Variants in DPH5 observed in about 807,000 individuals in gnomAD.
DPH5 encodes diphthamide biosynthesis 5, also known as diphthine methyl ester synthase.
In DPH5, 31 loss-of-function variants were observed where a neutral mutation model predicts 31.6. The ratio of observed to expected loss-of-function variants is 0.98; its 90% CI spans 0.74 to 1.32. DPH5 has a LOEUF of 1.32. Ranked by LOEUF, DPH5 falls within the 40% of genes most tolerant of loss-of-function variation. The pLI, the probability that DPH5 is intolerant of heterozygous loss-of-function variation, is 0.00. For synonymous variants in DPH5, 120 were observed against 115.0 expected (o/e 1.04, Z -0.28); for missense variants, 309 against 335.7 (o/e 0.92, Z 0.62).
At chr1:101,007,175 G>A (rs961029577) in intron 4 of DPH5, among the ~76,000 whole-genome samples, 1 of 152,058 alleles carries the variant, frequency 6.6e-6, no homozygotes, top group Non-Finnish European at 1.5e-5. Flanking sequence ...ACTAAGTGTT[G>A]AATAAAAAGA....
At chr1:101,017,453 C>A (rs189202965) in intron 3 of DPH5, among the ~76,000 whole-genome samples, 11 of 152,208 alleles carry the variant, frequency 7.2e-5, no homozygotes, top group African/African-American at 2.2e-4. Flanking sequence ...GATAAAATCT[C>A]AAGATTGTAA....
intron 7 of DPH5, 25 bp downstream of exon 7, chr1:100,992,612 A>C: frequency 2.0e-6 from 3 of 1,534,166 alleles, no homozygotes; most frequent in Non-Finnish European, 2.7e-6. Flanking sequence ...GAATAATATG[A>C]GAGCCCTTCT....
intron 5 of DPH5, among the ~76,000 whole-genome samples, chr1:100,997,900 G>A (rs1192284435): frequency 6.6e-6 from 1 of 152,078 alleles, no homozygotes; most frequent in Non-Finnish European, 1.5e-5. Context: ...ACCCACAGCT[G>A]GCCTTAACTG....
At chr1:101,024,491 A>G (rs1660686293) in intron 2 of DPH5, among the ~76,000 whole-genome samples, 1 of 152,228 alleles carries the variant, frequency 6.6e-6, no homozygotes, top group Non-Finnish European at 1.5e-5. Flanking sequence ...TTCAAGTAGC[A>G]GTTCTTAATT....
At position 101,021,712 on chromosome 1, in the gene DPH5, TTG is replaced by T; in HGVS notation, c.187_188del (p.Gln63ArgfsTer4). On this transcript the variant is annotated frameshift_variant, in exon 3 of 8. Coordinates refer to ENST00000370109, the MANE Select transcript of DPH5 (RefSeq NM_015958.3). LOFTEE classifies it high-confidence loss of function. ...CATCCTTTAAAATATTATCTGCTTC[TTG>T]TTCCACTTCTTCTCTATCAGCAACA... The part of the protein sequence containing the change: ...LVVADREEVE[Q>X]EADNILKDAD... 6.2e-7 allele frequency: 1 copy of T among 1,614,014 alleles called. No individual in the cohort carries two copies. The highest frequency in any genetic ancestry group is 8.5e-7 in the Non-Finnish European group (1 of 1,179,928).
At chr1:100,992,207 T>C (rs964489245) in intron 7 of DPH5, among the ~76,000 whole-genome samples, 1 of 152,176 alleles carries the variant, frequency 6.6e-6, no homozygotes, top group Non-Finnish European at 1.5e-5. Flanking sequence ...TTTTCTCTTA[T>C]ATTTACCCTG....
At chr1:101,023,661 T>TAACCCTCC (rs2101319214) in intron 2 of DPH5, among the ~76,000 whole-genome samples, 1 of 152,318 alleles carries the variant, frequency 6.6e-6, no homozygotes, top group South Asian at 2.1e-4. Flanking sequence ...AAACACTACA[T>TAACCCTCC]AACCCTCCAA....
intron 4 of DPH5, among the ~76,000 whole-genome samples, chr1:101,013,147 T>C (rs1418929142): frequency 6.6e-6 from 1 of 152,182 alleles, no homozygotes; most frequent in Non-Finnish European, 1.5e-5. Flanking sequence ...TGGAAAATGA[T>C]AGTAGCTAAG....
chr1:101,003,029 C>G (rs1658984805), intron 4 of DPH5, among the ~76,000 whole-genome samples: 1 of 152,212 alleles, frequency 6.6e-6, no homozygotes, highest in South Asian at 2.1e-4. Flanking sequence ...CAGCCTACAT[C>G]TTACCTACCA....
chr1:101,020,492 T>C (rs1660369406), intron 3 of DPH5, among the ~76,000 whole-genome samples: 1 of 151,842 alleles, frequency 6.6e-6, no homozygotes, highest in Non-Finnish European at 1.5e-5. Flanking sequence ...CTAGGTCCTC[T>C]TTTCCCACTC....
chr1:101,022,100 CAT>C (rs368059980), intron 2 of DPH5, among the ~76,000 whole-genome samples: 225 of 152,244 alleles, frequency 1.5e-3, no homozygotes, highest in African/African-American at 5.1e-3. Flanking sequence ...AATATGTACA[CAT>C]GAGCCCTACT....
intron 1 of DPH5, 39 bp from the exon 2 acceptor site, chr1:101,025,505 C>A (rs1341362940): frequency 1.3e-6 from 2 of 1,594,006 alleles, no homozygotes; most frequent in East Asian, 4.5e-5. Flanking sequence ...TCAGTAACAC[C>A]GAGGACATCT....
At chr1:101,015,864 C>T (rs1045485433) in intron 3 of DPH5, among the ~76,000 whole-genome samples, 2 of 152,306 alleles carry the variant, frequency 1.3e-5, no homozygotes, top group African/African-American at 2.4e-5. Context: ...TTTTCTGCAG[C>T]TTCCTCACCC....
intron 7 of DPH5, among the ~76,000 whole-genome samples, chr1:100,991,239 CA>C (rs1188014027): frequency 6.6e-6 from 1 of 152,152 alleles, no homozygotes; most frequent in African/African-American, 2.4e-5. Flanking sequence ...CAGTTAAAAA[CA>C]GCCAGCCTTA....
intron 3 of DPH5, among the ~76,000 whole-genome samples, chr1:101,018,872 A>G (rs897246163): frequency 6.6e-6 from 1 of 152,162 alleles, no homozygotes; most frequent in African/African-American, 2.4e-5. Flanking sequence ...ATTTATATTG[A>G]AGAAAAATAG....
intron 7 of DPH5, 106 bp from the exon 8 acceptor site, chr1:100,990,737 T>C: frequency 9.5e-7 from 1 of 1,049,738 alleles, no homozygotes. Context: ...GCCCCAAATA[T>C]CTTAAATCTC....
chr1:101,013,505 C>A (rs1659844957), intron 4 of DPH5: 1 of 399,486 alleles, frequency 2.5e-6, no homozygotes, highest in South Asian at 7.1e-5. Context: ...CTAGCTAAAT[C>A]TAAACATTCG....
At chr1:100,996,553 G>A (rs996930272) in intron 5 of DPH5, among the ~76,000 whole-genome samples, 1 of 152,032 alleles carries the variant, frequency 6.6e-6, no homozygotes, top group African/African-American at 2.4e-5. Context: ...TTAGTACCAG[G>A]ACCTAGCATA....
Position 100,995,166 on chromosome 1 carries a change from T to C in DPH5, c.491-17A>G, listed in dbSNP as rs374207769. The stretch of plus-strand genomic sequence containing the variant: ...CTTTGATGTCTGTAGGAAGTAAAAA[T>C]AGTTCTTTTAATTTAATTAAAAGCT... On this transcript the variant is annotated splice_polypyrimidine_tract_variant and intron_variant, in intron 5 of 7. Transcript: ENST00000370109. 3.8e-5 allele frequency: 58 copies of C among 1,534,964 alleles called. No homozygotes were observed. Among genetic ancestry groups the C allele is most frequent in the Non-Finnish European group, 5.0e-5 (55 of 1,110,880 alleles).
Sources: allele counts gnomAD v4.1 joint callset (sites outside exome capture counted in the v4.1 genomes callset), GRCh38; gene constraint gnomAD v4.1.1; transcripts MANE v1.5; gene names NCBI Gene and HGNC (gene_info 2026-07-23, HGNC 2026-07-21).